Variants in AMBRA1 observed in about 807,000 individuals in gnomAD.
The protein encoded by AMBRA1 is autophagy and beclin 1 regulator 1, also known as activating molecule in BECN1-regulated autophagy protein 1.
In AMBRA1, 47 loss-of-function variants were observed where a neutral mutation model predicts 125.4. The observed-to-expected ratio is 0.37, with a 90% CI of 0.30 to 0.48. The LOEUF is 0.48. AMBRA1 is among the 20% of genes least tolerant of loss of function. The pLI, the probability that AMBRA1 is intolerant of heterozygous loss-of-function variation, is 0.99. For missense variants in AMBRA1, 1,331 were observed against 1,693.4 expected (o/e 0.79, Z 3.76); for synonymous variants, 626 against 655.5 (o/e 0.95, Z 0.69).
chr11:46,485,990 G>A (rs188164179), intron 11 of AMBRA1, among the ~76,000 whole-genome samples: 66 of 152,304 alleles, frequency 4.3e-4, no homozygotes, highest in African/African-American at 1.5e-3. Context: ...AGGCAACTGG[G>A]AAGGCTGAGT....
chr11:46,494,511 T>C (rs931182944), intron 9 of AMBRA1: 1 of 237,174 alleles, frequency 4.2e-6, no homozygotes, highest in African/African-American at 2.2e-5. Context: ...AATGGATATA[T>C]ATAAACTTTT....
chr11:46,541,934 C>A lies in AMBRA1; in HGVS notation c.2072+11G>T. 6.3e-7 allele frequency: 1 copy of A among 1,599,374 alleles called. No homozygotes were observed. Among genetic ancestry groups the A allele is most frequent in the Non-Finnish European group, 8.5e-7 (1 of 1,176,512 alleles). On this transcript the variant is annotated intron_variant, in intron 7 of 17. Coordinates refer to ENST00000683756, the MANE Select transcript of AMBRA1 (RefSeq NM_001387011.1). ...GCAAGGGATGCAGAAGATAGGAAAG[C>A]GACTGCTTACCTCCTGAGTGAATCC...
At chr11:46,585,160 G>T (rs190766278) in intron 1 of AMBRA1, among the ~76,000 whole-genome samples, 1 of 152,030 alleles carries the variant, frequency 6.6e-6, no homozygotes. Flanking sequence ...CAGCATGCTC[G>T]TTAAGAGTCA....
intron 7 of AMBRA1, among the ~76,000 whole-genome samples, chr11:46,534,827 C>A (rs868445481): frequency 6.6e-6 from 1 of 152,130 alleles, no homozygotes; most frequent in African/African-American, 2.4e-5. Flanking sequence ...GCACATGCCA[C>A]GATGCCCAGC....
At chr11:46,409,358 G>A (rs1430482102) in intron 16 of AMBRA1, among the ~76,000 whole-genome samples, 1 of 152,114 alleles carries the variant, frequency 6.6e-6, no homozygotes, top group Non-Finnish European at 1.5e-5. Context: ...ACACCACCAT[G>A]CTCGGCTAAT....
At chr11:46,519,444 C>T (rs190041206) in intron 7 of AMBRA1, among the ~76,000 whole-genome samples, 1 of 152,316 alleles carries the variant, frequency 6.6e-6, no homozygotes, top group East Asian at 1.9e-4. Flanking sequence ...CCTGAAGATA[C>T]TCTTTTAACT....
intron 15 of AMBRA1, among the ~76,000 whole-genome samples, chr11:46,411,410 G>A (rs1946291630): frequency 6.6e-6 from 1 of 152,260 alleles, no homozygotes; most frequent in African/African-American, 2.4e-5. Flanking sequence ...GGTCCCAGGA[G>A]GTCCCAGGAG....
intron 7 of AMBRA1, among the ~76,000 whole-genome samples, chr11:46,528,636 T>A (rs963853837): frequency 6.6e-6 from 1 of 151,356 alleles, no homozygotes; most frequent in Non-Finnish European, 1.5e-5. Context: ...TGTGGGAGGG[T>A]GAAAAGGAGT....
At chr11:46,416,093 A>T (rs1946532797) in intron 15 of AMBRA1, among the ~76,000 whole-genome samples, 1 of 152,240 alleles carries the variant, frequency 6.6e-6, no homozygotes, top group Admixed American at 6.5e-5. Flanking sequence ...CTGAGGAAAG[A>T]GGTCTTGGAG....
intron 15 of AMBRA1, among the ~76,000 whole-genome samples, chr11:46,417,647 G>C (rs184734143): frequency 6.6e-6 from 1 of 152,024 alleles, no homozygotes; most frequent in African/African-American, 2.4e-5. Context: ...GGAAACCAGA[G>C]AACAAGGGAA....
At chr11:46,530,287 C>T (rs982689402) in intron 7 of AMBRA1, among the ~76,000 whole-genome samples, 11 of 147,496 alleles carry the variant, frequency 7.5e-5, no homozygotes, top group Non-Finnish European at 7.6e-5. Flanking sequence ...GCACACAGCA[C>T]GCTCTACACC....
chr11:46,445,992 C>T (rs948136311), intron 11 of AMBRA1, among the ~76,000 whole-genome samples: 1 of 152,166 alleles, frequency 6.6e-6, no homozygotes, highest in African/African-American at 2.4e-5. Flanking sequence ...CAAATGGGAA[C>T]ACAAATGATT....
intron 1 of AMBRA1, among the ~76,000 whole-genome samples, chr11:46,575,380 C>T (rs1408587304): frequency 6.6e-6 from 1 of 151,666 alleles, no homozygotes; most frequent in Non-Finnish European, 1.5e-5. Flanking sequence ...TAGCTTGAAC[C>T]CGGAAGGTGG....
chr11:46,408,655 G>A lies in AMBRA1; in HGVS notation c.3261C>T (p.Ala1087=), dbSNP rs1354705580. The change falls in exon 17 of 18, where the codon GCC becomes GCT. Residue 1087 remains alanine (A), a synonymous_variant. Coordinates refer to ENST00000683756, the MANE Select transcript of AMBRA1 (RefSeq NM_001387011.1). ...CAGGGTTCCGGGGCTGAAGCCCAAT[G>A]GCATTCATCAGCCCCATGTCTCTGT... ...RTDRDMGLMN[A]IGLQPRNPAT... 1.2e-6 allele frequency: 2 copies of A among 1,601,450 alleles called. No individual in the cohort carries two copies. The highest frequency in any genetic ancestry group is 1.7e-5 in the Admixed American group (1 of 58,738).
intron 1 of AMBRA1, among the ~76,000 whole-genome samples, chr11:46,593,220 A>G (rs894886257): frequency 2.0e-5 from 3 of 152,206 alleles, no homozygotes; most frequent in African/African-American, 7.2e-5. Context: ...CACTGTTTTC[A>G]TAACTTGACT....
At chr11:46,509,109 G>A (rs922003813) in intron 8 of AMBRA1, among the ~76,000 whole-genome samples, 4 of 152,206 alleles carry the variant, frequency 2.6e-5, no homozygotes, top group African/African-American at 2.4e-5. Context: ...CAGAGGCTGC[G>A]TGGGCACTGG....
At chr11:46,585,974 T>G (rs2044384987) in intron 1 of AMBRA1, among the ~76,000 whole-genome samples, 2 of 150,688 alleles carry the variant, frequency 1.3e-5, no homozygotes, top group South Asian at 2.1e-4. Flanking sequence ...CCCAGCTAAT[T>G]TGTATTTTTA....
chr11:46,438,853 T>C (rs1469570443), intron 12 of AMBRA1, among the ~76,000 whole-genome samples: 1 of 152,206 alleles, frequency 6.6e-6, no homozygotes, highest in African/African-American at 2.4e-5. Context: ...GAGGCCTTAT[T>C]CATAAACTTC....
chr11:46,506,307 A>G (rs1565229133), intron 9 of AMBRA1, among the ~76,000 whole-genome samples: 1 of 152,232 alleles, frequency 6.6e-6, no homozygotes, highest in Non-Finnish European at 1.5e-5. Flanking sequence ...CTGCTACTTC[A>G]GGCCATCCCT....
Sources: allele counts gnomAD v4.1 joint callset (sites outside exome capture counted in the v4.1 genomes callset), GRCh38; gene constraint gnomAD v4.1.1; transcripts MANE v1.5; gene names NCBI Gene and HGNC (gene_info 2026-07-23, HGNC 2026-07-21).